Variants in RBM19 observed in about 807,000 individuals in gnomAD.
RBM19 encodes RNA binding motif protein 19.
In RBM19, 94 loss-of-function variants were observed where a neutral mutation model predicts 116.8. That is an observed-to-expected ratio of 0.80 (90% CI 0.68 to 0.95). The LOEUF (loss-of-function observed/expected upper bound fraction) is 0.95. RBM19 is among the 40% of genes least tolerant of loss of function. The pLI is 0.00. For missense variants in RBM19, 1,161 were observed against 1,220.7 expected, an observed-to-expected ratio of 0.95 and a Z score of 0.73; for synonymous variants, 475 against 494.1, an observed-to-expected ratio of 0.96 and a Z score of 0.51.
At chr12:113,927,591 C>CA (rs764020256) in intron 16 of RBM19, among the ~76,000 whole-genome samples, 5,600 of 62,884 alleles carry the variant, frequency 0.089, 272 homozygotes, top group African/African-American at 0.22. Flanking sequence ...CCTCAAAAAA[C>CA]AAAAAAAAAA....
chr12:113,935,646 C>T (rs372478752), intron 16 of RBM19, among the ~76,000 whole-genome samples: 104 of 152,316 alleles, frequency 6.8e-4, no homozygotes, highest in Non-Finnish European at 1.2e-3. Flanking sequence ...GAATGCCTTG[C>T]GCTGGCTGAG....
chr12:113,830,647 A>ACTGGCAGAC (rs1875334332), intron 23 of RBM19, among the ~76,000 whole-genome samples: 1 of 145,998 alleles, frequency 6.8e-6, no homozygotes, highest in Admixed American at 7.1e-5. Context: ...AGTTACAGAT[A>ACTGGCAGAC]CTGGCAGACC....
chr12:113,841,251 G>A (rs1430300001), intron 23 of RBM19, among the ~76,000 whole-genome samples: 1 of 152,188 alleles, frequency 6.6e-6, no homozygotes, highest in African/African-American at 2.4e-5. Context: ...CAATTCTGAA[G>A]GGCCAGCAGT....
At chr12:113,948,678 A>T (rs1026863891) in intron 10 of RBM19, among the ~76,000 whole-genome samples, 155 bp downstream of exon 10, 2 of 152,180 alleles carry the variant, frequency 1.3e-5, no homozygotes, top group African/African-American at 4.8e-5. Flanking sequence ...TCCTCACAGC[A>T]GCTCAGGGGT....
At chr12:113,871,812 C>A (rs369236693) in intron 21 of RBM19, among the ~76,000 whole-genome samples, 3 of 151,794 alleles carry the variant, frequency 2.0e-5, no homozygotes, top group Non-Finnish European at 4.4e-5. Context: ...CAGTCTTTGC[C>A]GCCGCGCCGG....
intron 23 of RBM19, among the ~76,000 whole-genome samples, chr12:113,842,093 A>G (rs1179188101): frequency 2.6e-5 from 4 of 152,214 alleles, no homozygotes; most frequent in Non-Finnish European, 5.9e-5. Context: ...TTATCATTCT[A>G]TCTGCCCCTG....
chr12:113,888,217 A>G (rs1354231438), intron 21 of RBM19, among the ~76,000 whole-genome samples: 1 of 152,212 alleles, frequency 6.6e-6, no homozygotes, highest in Non-Finnish European at 1.5e-5. Flanking sequence ...TTTAGTGAAA[A>G]AAAACTCAAT....
chr12:113,964,426 CT>C (rs542122452), intron 1 of RBM19, among the ~76,000 whole-genome samples: 182 of 152,290 alleles, frequency 1.2e-3, no homozygotes, highest in African/African-American at 4.3e-3. Flanking sequence ...TTTTATTATT[CT>C]TTCATTCATG....
Position 113,948,190 on chromosome 12 carries a change from A to G in RBM19, c.1276+643T>C, listed in dbSNP as rs114012371. Among the ~76,000 whole-genome samples, 257 of 152,310 alleles carry G rather than the reference A, an allele frequency of 1.7e-3. 1 individual carries two copies. Among genetic ancestry groups the G allele is most frequent in the African/African-American group, 6.1e-3 (254 of 41,568 alleles). Reference sequence around the variant, plus strand: ...ACCTACAGCTGGCCTCTGAATAGACATGGGGAGACACTGCGGGGATCTCAA... The same window carrying G: ...ACCTACAGCTGGCCTCTGAATAGACGTGGGGAGACACTGCGGGGATCTCAA... On this transcript the variant is annotated intron_variant, in intron 10 of 23. Coordinates refer to ENST00000261741, the MANE Select transcript of RBM19 (RefSeq NM_016196.4).
rs2135923917 is a variant in RBM19, at chr12:113,948,848, G to A, written c.1261C>T (p.Leu421Phe). 2.5e-6 allele frequency: 4 copies of A among 1,614,146 alleles called. No individual in the cohort carries two copies. The highest frequency in any genetic ancestry group is 3.4e-6 in the Non-Finnish European group (4 of 1,179,994). The change falls in exon 10 of 24, where the codon CTC becomes TTC. Residue 421 changes from leucine to phenylalanine, a missense_variant. Coordinates refer to ENST00000261741, the MANE Select transcript of RBM19 (RefSeq NM_016196.4). ...ACACCCCTACCATATTTGGAGAAGA[G>A]CTTCTCCAGATCCTCCTCGGTGCTG... ...YTSTEEDLEK[L>F]FSKYGPLSEL...
chr12:113,847,395 G>A (rs1877089231), intron 22 of RBM19, among the ~76,000 whole-genome samples: 1 of 151,850 alleles, frequency 6.6e-6, no homozygotes, highest in African/African-American at 2.4e-5. Flanking sequence ...CAGAGCCTCT[G>A]CATTTTTTTC....
intron 21 of RBM19, among the ~76,000 whole-genome samples, chr12:113,878,918 TCA>T (rs1879876764): frequency 6.6e-6 from 1 of 151,532 alleles, no homozygotes; most frequent in Non-Finnish European, 1.5e-5. Context: ...CTGTTGTGTG[TCA>T]CACACGCGAG....
intron 7 of RBM19, 36 bp downstream of exon 7, chr12:113,955,095 G>A (rs200256002): frequency 8.1e-6 from 13 of 1,604,238 alleles, no homozygotes; most frequent in African/African-American, 2.7e-5. Context: ...TCCTGCTCCC[G>A]CAGGCTGCCG....
At chr12:113,906,414 AAT>A (rs1437002623) in intron 21 of RBM19, among the ~76,000 whole-genome samples, 1 of 152,152 alleles carries the variant, frequency 6.6e-6, no homozygotes, top group Non-Finnish European at 1.5e-5. Flanking sequence ...AGGCAACACT[AAT>A]ATATGTTTTT....
At chr12:113,914,270 G>A (rs996982463) in intron 21 of RBM19, among the ~76,000 whole-genome samples, 2 of 152,340 alleles carry the variant, frequency 1.3e-5, no homozygotes, top group Non-Finnish European at 1.5e-5. Flanking sequence ...AGAGAGGCCC[G>A]CCTGCTGCTC....
chr12:113,929,077 G>A (rs1010181465), intron 16 of RBM19, among the ~76,000 whole-genome samples: 3 of 152,132 alleles, frequency 2.0e-5, no homozygotes, highest in African/African-American at 4.8e-5. Flanking sequence ...TCCCACGGGC[G>A]GGTACGCTGG....
Position 113,927,184 on chromosome 12 carries a change from C to T in RBM19, c.2114G>A (p.Gly705Glu), listed in dbSNP as rs759248874. ...TPEDENPTEEGADNSSAKMEE... is the reference protein window; with the variant it reads ...TPEDENPTEEEADNSSAKMEE... Reference sequence around the variant, plus strand: ...CATCTTTGCTGAAGAGTTGTCTGCTCCTTCCTCTGTTGGATTTTCATCTTC... The same window carrying T: ...CATCTTTGCTGAAGAGTTGTCTGCTTCTTCCTCTGTTGGATTTTCATCTTC... Residue 705 changes from glycine to glutamate, a missense_variant, in exon 17 of 24, where the codon GGA becomes GAA. By Grantham distance (98) the Gly-to-Glu change is moderately conservative (BLOSUM62 -2). Transcript: ENST00000261741. 1.9e-6 allele frequency: 3 copies of T among 1,585,950 alleles called. No homozygotes were observed. Among genetic ancestry groups the T allele is most frequent in the Admixed American group, 3.6e-5 (2 of 55,018 alleles).
At chr12:113,960,914 T>C (rs866544166) in intron 2 of RBM19, among the ~76,000 whole-genome samples, 1 of 152,160 alleles carries the variant, frequency 6.6e-6, no homozygotes, top group Non-Finnish European at 1.5e-5. Context: ...TGAGAGGACT[T>C]TGAGAGCGCT....
intron 21 of RBM19, among the ~76,000 whole-genome samples, chr12:113,868,145 C>T (rs188545286): frequency 6.6e-5 from 10 of 152,274 alleles, no homozygotes; most frequent in African/African-American, 1.2e-4. Context: ...GCTGTGTGGC[C>T]ATTTTACATA....
Sources: gnomAD v4.1 joint callset for allele counts (sites outside exome capture counted in the v4.1 genomes callset) on GRCh38, gnomAD v4.1.1 for gene constraint, MANE v1.5 for transcripts, NCBI Gene and HGNC (gene_info 2026-07-23, HGNC 2026-07-21) for gene names.